The following WDR90 variants were observed in gnomAD, a reference collection of about 807,000 sequenced individuals.
WDR90 encodes the protein WD repeat-containing protein 90.
WDR90 carries 238 observed loss-of-function variants against 195.2 expected under a neutral mutation model. The observed-to-expected ratio is 1.22, with a 90% CI of 1.10 to 1.36. The LOEUF (loss-of-function observed/expected upper bound fraction) is 1.36, where lower values mean the gene tolerates loss of function less well. Ranked by LOEUF, WDR90 falls within the 40% of genes most tolerant of loss-of-function variation. The probability of loss-of-function intolerance (pLI) is 0.00; values close to 1 mark genes in which losing one functional copy is unlikely to be tolerated. For synonymous variants in WDR90, 1,265 were observed against 1,052.4 expected (o/e 1.20, Z -3.91); for missense variants, 2,734 against 2,439.5 (o/e 1.12, Z -2.54).
Position 658,171 on chromosome 16 carries a change from C to T in WDR90, c.2605-12C>T. 2.5e-6 allele frequency: 4 copies of T among 1,604,008 alleles called. No homozygotes were observed. The highest frequency in any genetic ancestry group is 3.4e-6 in the Non-Finnish European group (4 of 1,174,340). On this transcript the variant is annotated splice_polypyrimidine_tract_variant and intron_variant, in intron 21 of 40. Coordinates refer to ENST00000293879, the MANE Select transcript of WDR90 (RefSeq NM_145294.5). The stretch of plus-strand genomic sequence containing the variant: ...GGGGCCCTGACTGTCGGCCACTTAC[C>T]ACTACCCCCAGCTGCTGCGAGTTGA...
Position 661,184 on chromosome 16 carries a change from C to T in WDR90, c.3513+12C>T, listed in dbSNP as rs749256228. The stretch of plus-strand genomic sequence containing the variant: ...GCCACAGTGCCCAGGTGCCCGCCTG[C>T]ATCGCCCTCCTCCTCTCCCAGGGCC... On this transcript the variant is annotated intron_variant, in intron 29 of 40. Transcript: ENST00000293879. 1.3e-6 allele frequency: 2 copies of T among 1,533,520 alleles called. No individual in the cohort carries two copies. Among genetic ancestry groups the T allele is most frequent in the Non-Finnish European group, 1.7e-6 (2 of 1,144,950 alleles). 95.0% of individuals were successfully genotyped at this position (1,533,520 alleles called of 1,614,324 possible).
Position 661,655 on chromosome 16 carries a change from C to T in WDR90, c.3732C>T (p.Ser1244=), listed in dbSNP as rs755640266. ...LWGTATYDLV[S]STRLPEPVHG... Reference sequence around the variant, plus strand: ...GCACGGCCACCTATGACCTCGTGTCCTCCACCCGCCTCCCGGAGCCGGTGC... The same window carrying T: ...GCACGGCCACCTATGACCTCGTGTCTTCCACCCGCCTCCCGGAGCCGGTGC... Residue 1244 remains serine (S), a synonymous_variant, in exon 31 of 41, where the codon TCC becomes TCT. Transcript: ENST00000293879. 2 of 1,610,512 alleles carry T rather than the reference C, an allele frequency of 1.2e-6. No homozygotes were observed. The highest frequency in any genetic ancestry group is 2.2e-5 in the South Asian group (2 of 90,828).
At chr16:650,446 T>A in intron 4 of WDR90, 84 bp downstream of exon 4, 1 of 1,590,318 alleles carries the variant, frequency 6.3e-7, no homozygotes, top group East Asian at 2.3e-5. Flanking sequence ...CTCTGCGGCC[T>A]GGAGGACAAC....
Position 657,164 on chromosome 16 carries a change from G to C in WDR90, c.2416G>C (p.Gly806Arg), listed in dbSNP as rs1404467024. ...CCTGCTCTTCAGCTCCTGCTCCCAG[G>C]GCTCCCTGGCCCAGTACAGCTGTGC... is the stretch of plus-strand genomic sequence containing the variant. ...GRLLFSSCSQ[G>R]SLAQYSCADP... Residue 806 changes from glycine to arginine, a missense_variant, in exon 20 of 41, where the codon GGC (glycine) becomes CGC (arginine). Physicochemically the swap from Gly to Arg is moderately radical, Grantham distance 125. Coordinates refer to ENST00000293879, the MANE Select transcript of WDR90 (RefSeq NM_145294.5). 3 of 1,561,074 alleles carry C rather than the reference G, an allele frequency of 1.9e-6. No individual in the cohort carries two copies. Among genetic ancestry groups the C allele is most frequent in the Non-Finnish European group, 2.6e-6 (3 of 1,153,450 alleles).
rs756591931 is a variant in WDR90 at position 662,011 on chromosome 16, C to T, written c.3985C>T (p.Arg1329Cys). 3.3e-5 allele frequency: 53 copies of T among 1,603,594 alleles called. No individual in the cohort carries two copies. The highest frequency in any genetic ancestry group is 1.6e-4 in the Middle Eastern group (1 of 6,078). ...TGGCCAGGTCTGTGTCTGGGACACG[C>T]GTGCCGGCCGCTGCTTCTTGTCCTG... ...SSGQVCVWDT[R>C]AGRCFLSWEA... Residue 1329 changes from arginine (R) to cysteine (C), a missense_variant, in exon 32 of 41, where the codon CGT becomes TGT. By Grantham distance (180) the Arg-to-Cys change is radical. Coordinates refer to ENST00000293879, the MANE Select transcript of WDR90 (RefSeq NM_145294.5).
At chr16:654,787 G>T (rs2037712946) in intron 13 of WDR90, 3 of 557,370 alleles carry the variant, frequency 5.4e-6, no homozygotes, top group Non-Finnish European at 9.6e-6. Context: ...CTTGCGGGGG[G>T]GTTTGTACTT....
intron 13 of WDR90, 138 bp downstream of exon 13, chr16:653,941 C>G (rs1453812614): frequency 1.8e-5 from 20 of 1,110,376 alleles, no homozygotes; most frequent in Non-Finnish European, 2.2e-5. Flanking sequence ...GTGGGGCTCC[C>G]TGCACTCTGG....
chr16:663,219 CCT>C, intron 34 of WDR90: 1 of 365,006 alleles, frequency 2.7e-6, no homozygotes, highest in Middle Eastern at 6.4e-4. Context: ...AGGTGGATCA[CCT>C]GAGGTCAGGA....
chr16:656,504 C>T lies in WDR90; in HGVS notation c.2169C>T (p.Thr723=), dbSNP rs370823502. The change falls in exon 18 of 41, where the codon ACC becomes ACT. Residue 723 remains threonine (T), a synonymous_variant. Transcript: ENST00000293879. The part of the protein sequence containing the change: ...GQLATVSQDR[T]VRIWDLATLQ... ...TGGCCACCGTGTCCCAGGACCGTAC[C>T]GTCCGCATCTGGGACCTGGCCACCC... 2.2e-4 allele frequency: 352 copies of T among 1,577,010 alleles called. No homozygotes were observed. Among genetic ancestry groups the T allele is most frequent in the African/African-American group, 4.0e-4 (30 of 74,238 alleles).
At chr16:660,221 G>T in intron 27 of WDR90, 60 bp downstream of exon 27, 1 of 1,404,334 alleles carries the variant, frequency 7.1e-7, no homozygotes, top group South Asian at 1.4e-5. Context: ...CCCCCCGCAG[G>T]GCTCCCCAGC....
At chr16:660,532 A>G in intron 27 of WDR90, 80 bp from the exon 28 acceptor site, 1 of 1,433,284 alleles carries the variant, frequency 7.0e-7, no homozygotes, top group African/African-American at 1.4e-5. Flanking sequence ...GTGTGCCCCA[A>G]CACAGCCTCC....
chr16:659,401 G>C, intron 26 of WDR90, 25 bp downstream of exon 26: 1 of 1,584,738 alleles, frequency 6.3e-7, no homozygotes, highest in Admixed American at 1.8e-5. Context: ...TCCTGGAGGA[G>C]TGGGGGGATT....
intron 1 of WDR90, 129 bp from the exon 2 acceptor site, chr16:649,634 G>C: frequency 2.6e-6 from 3 of 1,173,816 alleles, no homozygotes; most frequent in Non-Finnish European, 3.3e-6. Context: ...AGCCTAGCTG[G>C]CGTTGGCGTC....
chr16:654,740 G>C (rs1393463471), intron 13 of WDR90: 1 of 453,114 alleles, frequency 2.2e-6, no homozygotes, highest in East Asian at 4.0e-5. Flanking sequence ...ATGAGCCACT[G>C]TGCCCAGCCA....
Position 662,819 on chromosome 16 carries a change from G to A in WDR90, c.4286G>A (p.Arg1429His), listed in dbSNP as rs779321763. The change falls in exon 34 of 41, where the codon CGT (arginine) becomes CAT (histidine). Residue 1429 changes from arginine (R) to histidine (H), a missense_variant. Arg to His is a conservative substitution (Grantham distance 29, BLOSUM62 0). Transcript: ENST00000293879. ...AGCTGGGCCGAGGGCACCAGCACAC[G>A]TCTCATCAGTGGCCACAGGAGCAAG... ...FVSWAEGTST[R>H]LISGHRSKVN... 2.2e-5 allele frequency: 35 copies of A among 1,582,032 alleles called. No individual in the cohort carries two copies. The South Asian group carries it at 2.3e-4, about 10-fold the overall frequency.
chr16:658,687 T>C, intron 23 of WDR90, 34 bp downstream of exon 23: 1 of 1,595,030 alleles, frequency 6.3e-7, no homozygotes, highest in South Asian at 1.1e-5. Context: ...GCTTTGGCGG[T>C]CAGGAGCCTC....
In WDR90 at chr16:652,080, T is replaced by C. The variant is rs767963375; in HGVS notation, c.1053+41T>C. The C allele has an allele frequency of 3.2e-6, 5 of 1,543,766 alleles. No homozygotes were observed. The South Asian group carries it at 5.9e-5, about 18-fold the overall frequency. On this transcript the variant is annotated intron_variant, in intron 9 of 40. Transcript: ENST00000293879. ...ACAGCAGGCGGGGCCTGGTGAGGTGTGGGCTGGGGCAGCTGGTAGCCCGCC... is the reference window on the plus strand; with the variant it reads ...ACAGCAGGCGGGGCCTGGTGAGGTGCGGGCTGGGGCAGCTGGTAGCCCGCC...
At chr16:651,535 C>A in intron 7 of WDR90, 109 bp from the exon 8 acceptor site, 1 of 1,136,344 alleles carries the variant, frequency 8.8e-7, no homozygotes, top group Non-Finnish European at 1.3e-6. Context: ...GTGGGTCCTG[C>A]AGAGCCGGTG....
chr16:651,320 G>A, intron 7 of WDR90, 54 bp downstream of exon 7: 1 of 1,590,304 alleles, frequency 6.3e-7, no homozygotes, highest in Non-Finnish European at 8.6e-7. Flanking sequence ...GGTGCGTGGG[G>A]CTCGGTAGGA....
Sources: allele counts gnomAD v4.1 joint callset, GRCh38; gene constraint gnomAD v4.1.1; transcripts MANE v1.5; gene names NCBI Gene and HGNC (gene_info 2026-07-23, HGNC 2026-07-21).